CCDC149: variants seen among roughly 807,000 people sequenced by gnomAD.
CCDC149 encodes the protein coiled-coil domain containing 149.
In CCDC149, 45 loss-of-function variants were observed where a neutral mutation model predicts 59.9. That is an observed-to-expected ratio of 0.75 (90% CI 0.59 to 0.96). CCDC149 has a LOEUF of 0.96. CCDC149 is among the 40% of genes least tolerant of loss of function. CCDC149 has a pLI of 0.00. For missense variants in CCDC149, 584 were observed against 664.7 expected, an observed-to-expected ratio of 0.88 and a Z score of 1.33; for synonymous variants, 245 against 260.6, an observed-to-expected ratio of 0.94 and a Z score of 0.58.
chr4:24,939,107 C>A (rs1476341957), intron 1 of CCDC149, among the ~76,000 whole-genome samples: 3 of 152,232 alleles, frequency 2.0e-5, no homozygotes, highest in African/African-American at 7.2e-5. Context: ...TCAAGTGGGT[C>A]CCTGACCCCT....
chr4:24,936,301 T>C (rs1722777655), intron 1 of CCDC149, among the ~76,000 whole-genome samples: 1 of 143,064 alleles, frequency 7.0e-6, no homozygotes, highest in Non-Finnish European at 1.5e-5. Flanking sequence ...AGATGGGCAA[T>C]ATTGCCACAT....
chr4:24,827,676 C>G (rs867641981), intron 9 of CCDC149: 3 of 152,228 alleles, frequency 2.0e-5, no homozygotes, highest in African/African-American at 7.2e-5. Context: ...AGAAGTAGCT[C>G]AAGCAAATTG....
At chr4:24,954,524 C>A (rs73105509) in intron 1 of CCDC149, among the ~76,000 whole-genome samples, 2,145 of 152,312 alleles carry the variant, frequency 0.014, 41 homozygotes, top group East Asian at 0.048. Flanking sequence ...AGCATTAGCA[C>A]CATGTGGATG....
chr4:24,845,693 C>T (rs1243435357), intron 4 of CCDC149, among the ~76,000 whole-genome samples: 1 of 152,202 alleles, frequency 6.6e-6, no homozygotes, highest in Non-Finnish European at 1.5e-5. Flanking sequence ...TAGCCCTAGA[C>T]CAGTCTGTCC....
chr4:24,889,335 C>T (rs1720391216), intron 1 of CCDC149, among the ~76,000 whole-genome samples: 1 of 152,150 alleles, frequency 6.6e-6, no homozygotes, highest in Non-Finnish European at 1.5e-5. Context: ...GAAACCACCT[C>T]TCACTTGTTG....
At position 24,903,024 on chromosome 4, in the gene CCDC149, CAA is replaced by C. The variant is rs10646050; in HGVS notation, c.63+9791_63+9792del. Among the ~76,000 whole-genome samples, 11 of 52,508 alleles carry C rather than the reference CAA, an allele frequency of 2.1e-4. No homozygotes were observed. In the East Asian group the frequency reaches 2.1e-3, roughly 10 times the overall value. 34.4% of individuals were successfully genotyped at this position (52,508 alleles called of 152,430 possible). A position where few individuals can be genotyped will look rare whatever the true frequency, so the allele number is the denominator to read the frequency against. On this transcript the variant is annotated intron_variant, in intron 1 of 12. Transcript: ENST00000635206. ...TGGGCAACAGAGTGAGAGTCTAACT[CAA>C]AAAAAAAAAAAAAAAAAAAAAGAGT...
At chr4:24,906,698 A>G (rs972087725) in intron 1 of CCDC149, among the ~76,000 whole-genome samples, 18 of 152,196 alleles carry the variant, frequency 1.2e-4, no homozygotes, top group African/African-American at 4.1e-4. Flanking sequence ...GTGCCCGGCC[A>G]AATTTTAAAA....
intron 1 of CCDC149, among the ~76,000 whole-genome samples, chr4:24,936,639 A>G (rs1233779779): frequency 6.6e-6 from 1 of 152,230 alleles, no homozygotes; most frequent in Admixed American, 6.5e-5. Flanking sequence ...CTAGTATATA[A>G]CAGGACACCA....
At chr4:24,868,000 G>A (rs1202684035) in intron 3 of CCDC149, among the ~76,000 whole-genome samples, 1 of 152,208 alleles carries the variant, frequency 6.6e-6, no homozygotes, top group African/African-American at 2.4e-5. Context: ...TAACTCGGCA[G>A]CTGGTTCTTG....
Position 24,825,941 on chromosome 4 carries a change from G to A in CCDC149, c.966-3368C>T, listed in dbSNP as rs112905615. Among the ~76,000 whole-genome samples the A allele has an allele frequency of 3.3e-3, 505 of 151,848 alleles. 3 individuals carry two copies. The highest frequency in any genetic ancestry group is 0.011 in the African/African-American group (472 of 41,456). ...ATTGGCAATGGGGAAAGAGTGAAGA[G>A]GTTTTTTGTTGTTGTTTTGTTTTGT... On this transcript the variant is annotated intron_variant, in intron 9 of 12. Transcript: ENST00000635206.
chr4:24,931,841 A>G (rs150441238), intron 1 of CCDC149, among the ~76,000 whole-genome samples: 7 of 140,244 alleles, frequency 5.0e-5, no homozygotes, highest in Admixed American at 1.4e-4. Context: ...ATATATATAT[A>G]TATATATATA....
At chr4:24,899,569 G>T (rs1721040510) in intron 1 of CCDC149, among the ~76,000 whole-genome samples, 1 of 152,122 alleles carries the variant, frequency 6.6e-6, no homozygotes, top group Non-Finnish European at 1.5e-5. Flanking sequence ...CATTATCAGG[G>T]GCAGTGAAGC....
chr4:24,847,631 C>T (rs1011323942), intron 4 of CCDC149, among the ~76,000 whole-genome samples: 1 of 152,148 alleles, frequency 6.6e-6, no homozygotes, highest in Non-Finnish European at 1.5e-5. Context: ...TTAAACAATT[C>T]GATGAGAGGC....
downstream of CCDC149, among the ~76,000 whole-genome samples, chr4:24,805,780 C>T (rs940353942): frequency 3.9e-5 from 6 of 152,144 alleles, no homozygotes; most frequent in African/African-American, 4.8e-5. Flanking sequence ...CACACACACA[C>T]GTATGTGGGA....
intron 3 of CCDC149, among the ~76,000 whole-genome samples, chr4:24,872,557 C>T (rs1363402488): frequency 6.6e-6 from 1 of 151,876 alleles, no homozygotes; most frequent in African/African-American, 2.4e-5. Flanking sequence ...GAATGACATG[C>T]ACCCACTGAA....
intron 3 of CCDC149, among the ~76,000 whole-genome samples, chr4:24,856,618 T>A (rs561522383): frequency 6.6e-6 from 1 of 152,116 alleles, no homozygotes; most frequent in South Asian, 2.1e-4. Flanking sequence ...TCTCAAAACT[T>A]CCATTTGAAA....
chr4:24,829,829 G>A (rs1200877608), intron 9 of CCDC149: 2 of 152,288 alleles, frequency 1.3e-5, no homozygotes, highest in East Asian at 1.9e-4. Context: ...TGACCTCCCG[G>A]AATACATTTA....
rs543248370 is a variant in CCDC149 at position 24,864,472 on chromosome 4, G to A, written c.264+9209C>T. On this transcript the variant is annotated intron_variant, in intron 3 of 12. Coordinates refer to ENST00000635206, the MANE Select transcript of CCDC149 (RefSeq NM_001330643.2). ...AGGAACCAACTCAGCCCAAGAAGAC[G>A]GCTTCGACTCCCTGTGATTTCATCT... Among the ~76,000 whole-genome samples the A allele has an allele frequency of 1.1e-4, 16 of 152,198 alleles. No individual in the cohort carries two copies. The East Asian group carries it at 1.7e-3, about 17-fold the overall frequency.
chr4:24,837,537 G>A lies in CCDC149; in HGVS notation c.490-137C>T, dbSNP rs989039927. 5.9e-5 allele frequency: 41 copies of A among 696,052 alleles called. No individual in the cohort carries two copies. The highest frequency in any genetic ancestry group is 1.4e-4 in the African/African-American group (8 of 55,542). 43.1% of individuals were successfully genotyped at this position (696,052 alleles called of 1,614,324 possible). A position where few individuals can be genotyped will look rare whatever the true frequency, so the allele number is the denominator to read the frequency against. ...ACCCGCATGCCCTAAAGCCATAAGCGCCACACACTGAAATACAATAACAGC... is the reference window on the plus strand; with the variant it reads ...ACCCGCATGCCCTAAAGCCATAAGCACCACACACTGAAATACAATAACAGC... On this transcript the variant is annotated intron_variant, in intron 5 of 12. Coordinates refer to ENST00000635206, the MANE Select transcript of CCDC149 (RefSeq NM_001330643.2). The surrounding 1 kb of genome is among the most constrained non-coding windows in gnomAD (Gnocchi z 4.3).
Sources: allele counts gnomAD v4.1 joint callset (sites outside exome capture counted in the v4.1 genomes callset), GRCh38; gene constraint gnomAD v4.1.1; non-coding constraint Gnocchi (gnomAD v3.1); transcripts MANE v1.5; gene names NCBI Gene and HGNC (gene_info 2026-07-23, HGNC 2026-07-21).